Variants in BARX2 observed in about 807,000 individuals in gnomAD.
BARX2 encodes the protein homeobox protein BarH-like 2.
Under a neutral mutation model 25.5 loss-of-function variants are expected in BARX2, and 11 were observed. The ratio of observed to expected loss-of-function variants is 0.43; its 90% CI spans 0.27 to 0.71. BARX2 has a LOEUF of 0.71. Ranked by LOEUF, BARX2 falls within the 30% of genes least tolerant of loss-of-function variation. BARX2 has a pLI of 0.19. For synonymous variants in BARX2, 137 were observed against 149.5 expected, an observed-to-expected ratio of 0.92 and a Z score of 0.61; for missense variants, 360 against 359.9, an observed-to-expected ratio of 1.00 and a Z score of 0.00.
At chr11:129,427,138 G>A (rs570285169) in intron 1 of BARX2, among the ~76,000 whole-genome samples, 52 of 152,254 alleles carry the variant, frequency 3.4e-4, no homozygotes, top group African/African-American at 1.0e-3. Flanking sequence ...CTAAGTGAAG[G>A]GAGAGAAAGA....
chr11:129,394,344 T>C (rs1165952205), intron 1 of BARX2, among the ~76,000 whole-genome samples: 8 of 152,200 alleles, frequency 5.3e-5, no homozygotes, highest in Non-Finnish European at 1.0e-4. Flanking sequence ...TAAATTCCTT[T>C]TTAGAAAACT....
intron 2 of BARX2, 47 bp downstream of exon 2, chr11:129,437,098 C>A (rs777472545): frequency 6.7e-7 from 1 of 1,481,890 alleles, no homozygotes; most frequent in Admixed American, 2.4e-5. Context: ...CCCCTGGGAA[C>A]GGGAGACTTG....
At chr11:129,422,630 C>T (rs1268924912) in intron 1 of BARX2, among the ~76,000 whole-genome samples, 3 of 151,542 alleles carry the variant, frequency 2.0e-5, no homozygotes, top group Non-Finnish European at 4.4e-5. Flanking sequence ...TTGTTTTATC[C>T]CCAGTTAGTG....
At chr11:129,387,331 AC>A (rs1309071630) in intron 1 of BARX2, among the ~76,000 whole-genome samples, 3 of 152,230 alleles carry the variant, frequency 2.0e-5, no homozygotes, top group Non-Finnish European at 4.4e-5. Context: ...TCCTCCTGCA[AC>A]CCAGGGGAGT....
chr11:129,448,221 C>T (rs761658817), intron 3 of BARX2, among the ~76,000 whole-genome samples: 11 of 152,068 alleles, frequency 7.2e-5, no homozygotes, highest in African/African-American at 2.2e-4. Flanking sequence ...TCCATGACCT[C>T]GGATTAGACA....
chr11:129,446,757 G>T (rs554448212), intron 3 of BARX2, among the ~76,000 whole-genome samples: 1 of 152,246 alleles, frequency 6.6e-6, no homozygotes, highest in Admixed American at 6.5e-5. Flanking sequence ...CCTTGCCTGA[G>T]GTCCAGTGGA....
At chr11:129,393,121 T>A (rs1348873382) in intron 1 of BARX2, among the ~76,000 whole-genome samples, 1 of 151,464 alleles carries the variant, frequency 6.6e-6, no homozygotes, top group African/African-American at 2.4e-5. Context: ...AAATAAAAAT[T>A]AAAAAAAATT....
At chr11:129,406,000 C>T (rs1448195737) in intron 1 of BARX2, among the ~76,000 whole-genome samples, 1 of 152,172 alleles carries the variant, frequency 6.6e-6, no homozygotes, top group Non-Finnish European at 1.5e-5. Context: ...ATGTATGTTA[C>T]TTATCTATCT....
At chr11:129,412,305 T>G (rs1861898251) in intron 1 of BARX2, among the ~76,000 whole-genome samples, 1 of 152,090 alleles carries the variant, frequency 6.6e-6, no homozygotes, top group Admixed American at 6.5e-5. Context: ...AGAAGTAGTT[T>G]ATAAAATATA....
chr11:129,385,454 T>C lies in BARX2; in HGVS notation c.187+9232T>C, dbSNP rs142913380. Among the ~76,000 whole-genome samples, 6 of 152,338 alleles carry C rather than the reference T, an allele frequency of 3.9e-5. No homozygotes were observed. The East Asian group carries it at 1.2e-3, about 29-fold the overall frequency. On this transcript the variant is annotated intron_variant, in intron 1 of 3. Coordinates refer to ENST00000281437, the MANE Select transcript of BARX2 (RefSeq NM_003658.5). The stretch of plus-strand genomic sequence containing the variant: ...GCTATATCCATGCAATGAAATTCTA[T>C]GCAGCAATTAAAATAAATGAACCAG...
intron 1 of BARX2, among the ~76,000 whole-genome samples, chr11:129,389,966 G>A (rs919745332): frequency 3.3e-5 from 5 of 152,180 alleles, no homozygotes. Context: ...AAGTGGTAAT[G>A]ATGGATGGCT....
chr11:129,408,232 A>T (rs186957143), intron 1 of BARX2, among the ~76,000 whole-genome samples: 1 of 152,128 alleles, frequency 6.6e-6, no homozygotes, highest in Non-Finnish European at 1.5e-5. Flanking sequence ...ACTGGAAGAT[A>T]TATTCGGTTC....
intron 1 of BARX2, among the ~76,000 whole-genome samples, chr11:129,411,371 CAA>C (rs34667411): frequency 5.0e-4 from 27 of 53,834 alleles, no homozygotes; most frequent in African/African-American, 8.5e-4. Flanking sequence ...ACTCCATCTC[CAA>C]AAAAAAAAAA....
At position 129,397,153 on chromosome 11, in the gene BARX2, A is replaced by C. The variant is rs557050533; in HGVS notation, c.187+20931A>C. Among the ~76,000 whole-genome samples the C allele has an allele frequency of 2.0e-5, 3 of 152,036 alleles. No individual in the cohort carries two copies. The South Asian group carries it at 6.2e-4, about 32-fold the overall frequency. The stretch of plus-strand genomic sequence containing the variant: ...TCAAAAGTTAGCCGGGCGTGGTGGT[A>C]TGTGCCTGTAGTCCCAGCTCCTTGG... On this transcript the variant is annotated intron_variant, in intron 1 of 3. Coordinates refer to ENST00000281437, the MANE Select transcript of BARX2 (RefSeq NM_003658.5).
intron 1 of BARX2, among the ~76,000 whole-genome samples, chr11:129,388,191 A>G (rs1861633466): frequency 6.6e-6 from 1 of 151,776 alleles, no homozygotes; most frequent in Non-Finnish European, 1.5e-5. Context: ...GAACCTGCCA[A>G]CTCTTTTACA....
intron 1 of BARX2, among the ~76,000 whole-genome samples, chr11:129,433,724 C>T (rs1862154973): frequency 6.6e-6 from 1 of 152,202 alleles, no homozygotes; most frequent in Non-Finnish European, 1.5e-5. Context: ...CATCTTCCCA[C>T]CATGGCCTTC....
intron 1 of BARX2, among the ~76,000 whole-genome samples, chr11:129,410,727 A>T (rs1591436279): frequency 6.6e-6 from 1 of 152,124 alleles, no homozygotes; most frequent in South Asian, 2.1e-4. Flanking sequence ...AGAATCCCCC[A>T]GTTTTCTGCC....
At chr11:129,427,179 C>A (rs886925960) in intron 1 of BARX2, among the ~76,000 whole-genome samples, 2 of 152,182 alleles carry the variant, frequency 1.3e-5, no homozygotes, top group African/African-American at 4.8e-5. Context: ...GGGCACTTCA[C>A]ATACATTAAT....
At chr11:129,393,699 A>G (rs978881056) in intron 1 of BARX2, among the ~76,000 whole-genome samples, 6 of 152,160 alleles carry the variant, frequency 3.9e-5, no homozygotes, top group Admixed American at 6.5e-5. Context: ...TACTGTTAAT[A>G]TTTTTAAAAA....
Sources: gnomAD v4.1 joint callset for allele counts (sites outside exome capture counted in the v4.1 genomes callset) on GRCh38, gnomAD v4.1.1 for gene constraint, MANE v1.5 for transcripts, NCBI Gene and HGNC (gene_info 2026-07-23, HGNC 2026-07-21) for gene names.